Variants in ERC2 observed in about 807,000 individuals in gnomAD.
ERC2 encodes ELKS/RAB6-interacting/CAST family member 2.
A neutral mutation model predicts 114.8 loss-of-function variants in ERC2; 42 were observed. The ratio of observed to expected loss-of-function variants is 0.37; its 90% CI spans 0.29 to 0.47. ERC2 has a LOEUF of 0.47. Ranked by LOEUF, ERC2 falls within the 20% of genes least tolerant of loss-of-function variation. ERC2 has a pLI of 0.99. For synonymous variants in ERC2, 454 were observed against 425.5 expected (o/e 1.07, Z -0.82); for missense variants, 939 against 1,150.7 (o/e 0.82, Z 2.66).
Position 56,168,182 on chromosome 3 carries a change from C to T in ERC2, c.1149+5264G>A, listed in dbSNP as rs1249809553. 3.9e-5 allele frequency among the ~76,000 whole-genome samples: 6 copies of T among 152,278 alleles called. No individual in the cohort carries two copies. In the East Asian group the frequency reaches 7.7e-4, roughly 20 times the overall value. ...GGCAGGTTGCTTATCCTCTCTAACCCGTAGCTTTCTCATCTGTGAATTGGG... is the reference window on the plus strand; with the variant it reads ...GGCAGGTTGCTTATCCTCTCTAACCTGTAGCTTTCTCATCTGTGAATTGGG... On this transcript the variant is annotated intron_variant, in intron 4 of 17. Coordinates refer to ENST00000288221, the MANE Select transcript of ERC2 (RefSeq NM_015576.3).
chr3:56,341,687 C>T (rs1008983266), intron 2 of ERC2, among the ~76,000 whole-genome samples: 2 of 152,124 alleles, frequency 1.3e-5, no homozygotes, highest in African/African-American at 4.8e-5. Context: ...GCCCAGAAGC[C>T]CCAGTAATCC....
At chr3:55,736,980 T>C (rs970509674) in intron 14 of ERC2, among the ~76,000 whole-genome samples, 4 of 152,138 alleles carry the variant, frequency 2.6e-5, no homozygotes, top group Non-Finnish European at 4.4e-5. Flanking sequence ...TTCTGAAACA[T>C]TCTAGACACT....
At chr3:55,714,148 G>A (rs912506017) in intron 15 of ERC2, among the ~76,000 whole-genome samples, 3 of 152,184 alleles carry the variant, frequency 2.0e-5, no homozygotes, top group South Asian at 4.1e-4. Context: ...AGTTCTGGAG[G>A]TGGGTAAAAT....
At chr3:56,305,843 T>C (rs561580612) in intron 2 of ERC2, among the ~76,000 whole-genome samples, 136 of 152,262 alleles carry the variant, frequency 8.9e-4, no homozygotes, top group African/African-American at 3.1e-3. Flanking sequence ...ATATATATTG[T>C]CTTTTTTTTG....
chr3:56,344,352 T>C (rs770179956), intron 2 of ERC2, among the ~76,000 whole-genome samples: 1 of 152,166 alleles, frequency 6.6e-6, no homozygotes, highest in Non-Finnish European at 1.5e-5. Context: ...CCGTCCCCAA[T>C]TAGCACACTG....
chr3:55,994,250 C>G (rs535983775), intron 10 of ERC2, among the ~76,000 whole-genome samples: 6 of 152,006 alleles, frequency 3.9e-5, no homozygotes, highest in Non-Finnish European at 7.4e-5. Context: ...CAAATGAATA[C>G]GTATATTTTG....
chr3:56,452,090 T>C (rs1437203074), intron 1 of ERC2, among the ~76,000 whole-genome samples: 2 of 152,226 alleles, frequency 1.3e-5, no homozygotes, highest in Admixed American at 1.3e-4. Flanking sequence ...AATTTAAGGC[T>C]TGTTTTTATT....
rs377582916 is a variant in ERC2, at chr3:56,269,279, A to G, written c.1074+26740T>C. Among the ~76,000 whole-genome samples, 4 of 152,316 alleles carry G rather than the reference A, an allele frequency of 2.6e-5. No individual in the cohort carries two copies. In the East Asian group the frequency reaches 7.7e-4, roughly 29 times the overall value. On this transcript the variant is annotated intron_variant, in intron 3 of 17. Transcript: ENST00000288221. ...CCTTCCTGGTTCTCATCTCAAATTTATTTCATCACAAGCTTTATTTCACCA... is the reference window on the plus strand; with the variant it reads ...CCTTCCTGGTTCTCATCTCAAATTTGTTTCATCACAAGCTTTATTTCACCA...
chr3:56,395,387 A>T (rs1560742267), intron 2 of ERC2, among the ~76,000 whole-genome samples: 1 of 152,192 alleles, frequency 6.6e-6, no homozygotes, highest in Non-Finnish European at 1.5e-5. Flanking sequence ...AAATACTTTA[A>T]CATTGTCTTT....
At chr3:55,619,093 T>C (rs2059232340) in intron 17 of ERC2, among the ~76,000 whole-genome samples, 1 of 152,198 alleles carries the variant, frequency 6.6e-6, no homozygotes, top group African/African-American at 2.4e-5. Context: ...ATGGTACAAA[T>C]GTCGAGGACT....
chr3:56,018,009 A>G (rs1195105736), intron 8 of ERC2, among the ~76,000 whole-genome samples: 1 of 152,166 alleles, frequency 6.6e-6, no homozygotes, highest in Non-Finnish European at 1.5e-5. Flanking sequence ...GAAATTAAAA[A>G]CAGATAAATG....
chr3:56,079,154 AG>A (rs1345435475), intron 7 of ERC2, among the ~76,000 whole-genome samples: 7 of 152,172 alleles, frequency 4.6e-5, no homozygotes, highest in Non-Finnish European at 1.0e-4. Context: ...CATTAAAAAA[AG>A]TAAAAAGAAA....
At chr3:56,449,759 T>C (rs954256509) in intron 1 of ERC2, among the ~76,000 whole-genome samples, 2 of 152,216 alleles carry the variant, frequency 1.3e-5, no homozygotes, top group Non-Finnish European at 2.9e-5. Flanking sequence ...AATGAGATGA[T>C]ATAAGAAAGT....
At chr3:56,352,803 G>C (rs2058601958) in intron 2 of ERC2, among the ~76,000 whole-genome samples, 1 of 152,158 alleles carries the variant, frequency 6.6e-6, no homozygotes. Context: ...CAGACTGCCA[G>C]ACTGAGGGCC....
chr3:55,847,315 C>T (rs948371633), intron 14 of ERC2, among the ~76,000 whole-genome samples: 1 of 152,092 alleles, frequency 6.6e-6, no homozygotes, highest in African/African-American at 2.4e-5. Flanking sequence ...GGGAGGGGAG[C>T]CTTCCACATT....
At chr3:56,022,940 C>T (rs1038177559) in intron 7 of ERC2, among the ~76,000 whole-genome samples, 2 of 152,140 alleles carry the variant, frequency 1.3e-5, no homozygotes, top group African/African-American at 4.8e-5. Context: ...GGGGCAGAAA[C>T]CTGGAAAGGG....
At chr3:55,935,385 G>A (rs750702774) in intron 13 of ERC2, among the ~76,000 whole-genome samples, 2 of 152,178 alleles carry the variant, frequency 1.3e-5, no homozygotes, top group Non-Finnish European at 2.9e-5. Context: ...TGGCTGTGAC[G>A]TAGTCCTAGT....
In ERC2 at chr3:56,218,684, T is replaced by G. The variant is rs544516422; in HGVS notation, c.1075-45164A>C. Among the ~76,000 whole-genome samples, 3 of 152,296 alleles carry G rather than the reference T, an allele frequency of 2.0e-5. No homozygotes were observed. The South Asian group carries it at 6.2e-4, about 32-fold the overall frequency. ...TAAATCATGCTGCTATAAAGACACA[T>G]GCACACGTAGGTTTATTGCGGCACT... On this transcript the variant is annotated intron_variant, in intron 3 of 17. Coordinates refer to ENST00000288221, the MANE Select transcript of ERC2 (RefSeq NM_015576.3).
chr3:55,877,733 G>T (rs553267009), intron 14 of ERC2, among the ~76,000 whole-genome samples: 1 of 151,740 alleles, frequency 6.6e-6, no homozygotes, highest in Non-Finnish European at 1.5e-5. Context: ...TGCTGGTCTC[G>T]AACTCCTGAG....
Sources: gnomAD v4.1 joint callset for allele counts (sites outside exome capture counted in the v4.1 genomes callset) on GRCh38, gnomAD v4.1.1 for gene constraint, MANE v1.5 for transcripts, NCBI Gene and HGNC (gene_info 2026-07-23, HGNC 2026-07-21) for gene names.